PPIL3: variants seen among roughly 807,000 people sequenced by gnomAD.
PPIL3 encodes the protein peptidyl-prolyl cis-trans isomerase-like 3.
In PPIL3, 13 loss-of-function variants were observed where a neutral mutation model predicts 20.9. That is an observed-to-expected ratio of 0.62 (90% CI 0.40 to 0.99). The LOEUF (loss-of-function observed/expected upper bound fraction) is 0.99. PPIL3 is among the 50% of genes least tolerant of loss of function. The pLI is 0.00. For missense variants in PPIL3, 170 were observed against 195.2 expected (o/e 0.87, Z 0.77); for synonymous variants, 71 against 64.4 (o/e 1.10, Z -0.49).
Position 200,876,929 on chromosome 2 carries a change from C to A in PPIL3, c.349G>T (p.Val117Leu), listed in dbSNP as rs61730410. ...KQPHLDMKYT[V>L]FGKVIDGLET... ...AACCAGAATACTCACTTTCCAAATA[C>A]GGTGTATTTCATGTCCAAATGTGGC... is the stretch of plus-strand genomic sequence containing the variant. The change falls in exon 6 of 7, where the codon GTA (valine) becomes TTA (leucine). Residue 117 changes from valine to leucine, a missense_variant. Val to Leu is a conservative substitution (Grantham distance 32). Coordinates refer to ENST00000392283, the MANE Select transcript of PPIL3 (RefSeq NM_130906.3). 1 of 1,601,530 alleles carries A rather than the reference C, an allele frequency of 6.2e-7. No homozygotes were observed. Among genetic ancestry groups the A allele is most frequent in the Admixed American group, 1.7e-5 (1 of 59,976 alleles).
intron 2 of PPIL3, among the ~76,000 whole-genome samples, chr2:200,887,405 A>C (rs2039978743): frequency 6.6e-6 from 1 of 151,678 alleles, no homozygotes; most frequent in Non-Finnish European, 1.5e-5. Flanking sequence ...AAAAAAGGTA[A>C]ATTCTGTGCA....
chr2:200,886,520 C>A (rs1184062668), intron 2 of PPIL3, among the ~76,000 whole-genome samples: 1 of 151,568 alleles, frequency 6.6e-6, no homozygotes, highest in Non-Finnish European at 1.5e-5. Context: ...CCACCTCCTG[C>A]GTTCAAGCAA....
intron 6 of PPIL3, among the ~76,000 whole-genome samples, chr2:200,875,823 C>G (rs1025938919): frequency 6.6e-6 from 1 of 152,146 alleles, no homozygotes; most frequent in African/African-American, 2.4e-5. Flanking sequence ...ATCCTCCTGT[C>G]TCAGCCTCCC....
At chr2:200,877,094 G>A (rs906157461) in intron 5 of PPIL3, 57 bp from the exon 6 acceptor site, 1 of 1,140,966 alleles carries the variant, frequency 8.8e-7, no homozygotes, top group African/African-American at 1.5e-5. Context: ...CCCAAATATA[G>A]TATTGAAACA....
Position 200,871,321 on chromosome 2 carries a change from A to G in PPIL3, c.*74T>C. 2.1e-6 allele frequency: 3 copies of G among 1,441,186 alleles called. No individual in the cohort carries two copies. The highest frequency in any genetic ancestry group is 2.3e-5 in the East Asian group (1 of 42,998). The allele number at this position is 1,441,186 out of a possible 1,614,324, so 89.3% of individuals were successfully genotyped here. On this transcript the variant is annotated 3_prime_UTR_variant, in exon 7 of 7. Transcript: ENST00000392283. ...GCAGAAGGATGATGCAATCTCTGAC[A>G]TAATTAAAACCGGGTAAACCACAAT...
chr2:200,875,574 T>C lies in PPIL3; in HGVS notation c.359+1345A>G, dbSNP rs560818456. ...AGCCACCGCACCCGGCTTTTCTTTT[T>C]TTCTATCTTTTTTTTTTTAGAGATA... On this transcript the variant is annotated intron_variant, in intron 6 of 6. Transcript: ENST00000392283. Among the ~76,000 whole-genome samples, 9 of 151,798 alleles carry C rather than the reference T, an allele frequency of 5.9e-5. No individual in the cohort carries two copies. In the South Asian group the frequency reaches 1.0e-3, roughly 18 times the overall value.
chr2:200,871,592 TAC>T (rs1273771102), intron 6 of PPIL3, 71 bp from the exon 7 acceptor site: 19 of 1,313,412 alleles, frequency 1.4e-5, no homozygotes, highest in Non-Finnish European at 1.9e-5. Context: ...CTATGACAAT[TAC>T]AGTCTCCTTA....
chr2:200,887,534 G>C (rs1375683973), intron 2 of PPIL3, 79 bp downstream of exon 2: 11 of 1,099,614 alleles, frequency 1.0e-5, no homozygotes, highest in Non-Finnish European at 1.4e-5. Flanking sequence ...CAATTTCCAT[G>C]AACTTTTATT....
In PPIL3 at chr2:200,885,508, C is replaced by T. The variant is rs80242117; in HGVS notation, c.78+190G>A. 650 of 534,378 alleles carry T rather than the reference C, an allele frequency of 1.2e-3. 3 individuals carry two copies. Among genetic ancestry groups the T allele is most frequent in the African/African-American group, 0.012 (592 of 50,724 alleles). 33.1% of individuals were successfully genotyped at this position (534,378 alleles called of 1,614,324 possible). A position where few individuals can be genotyped will look rare whatever the true frequency, so the allele number is the denominator to read the frequency against. ...TCTATCGTTACCGAAAAATTATCTA[C>T]GTTCTCTTTGATCCACCTTTGACAT... On this transcript the variant is annotated intron_variant, in intron 3 of 6. Transcript: ENST00000392283.
intron 6 of PPIL3, among the ~76,000 whole-genome samples, chr2:200,875,495 T>C (rs903309303): frequency 1.1e-4 from 16 of 152,078 alleles, no homozygotes; most frequent in African/African-American, 3.6e-4. Flanking sequence ...CTTGATCTCC[T>C]GACCTCATGA....
Position 200,880,409 on chromosome 2 carries a change from C to CTTTTT in PPIL3, c.240+1007_240+1011dup, listed in dbSNP as rs779189285. On this transcript the variant is annotated intron_variant, in intron 5 of 6. Coordinates refer to ENST00000392283, the MANE Select transcript of PPIL3 (RefSeq NM_130906.3). Reference sequence around the variant, plus strand: ...AAACTGCATATTTTGATTGAGTAGACTTTTTTTTTTTTTTGAGTGGGGTCT... The same window carrying CTTTTT: ...AAACTGCATATTTTGATTGAGTAGACTTTTTTTTTTTTTTTTTTTGAGTGGGGTCT... 7.6e-5 allele frequency among the ~76,000 whole-genome samples: 10 copies of CTTTTT among 131,876 alleles called. 1 individual carries two copies. The highest frequency in any genetic ancestry group is 1.5e-4 in the Admixed American group (2 of 13,454). 86.5% of individuals were successfully genotyped at this position (131,876 alleles called of 152,430 possible). A position where few individuals can be genotyped will look rare whatever the true frequency, so the allele number is the denominator to read the frequency against.
At chr2:200,882,944 C>T (rs924721815) in intron 3 of PPIL3, among the ~76,000 whole-genome samples, 2 of 150,892 alleles carry the variant, frequency 1.3e-5, no homozygotes, top group Admixed American at 6.6e-5. Flanking sequence ...TTCAGCAGGG[C>T]CTAACAAGCC....
At chr2:200,874,838 T>A (rs1380953131) in intron 6 of PPIL3, among the ~76,000 whole-genome samples, 2 of 152,148 alleles carry the variant, frequency 1.3e-5, no homozygotes, top group Non-Finnish European at 1.5e-5. Context: ...AGCAATCCTC[T>A]CACTTCAGCC....
chr2:200,885,076 A>C (rs2039879485), intron 3 of PPIL3: 1 of 152,584 alleles, frequency 6.6e-6, no homozygotes, highest in African/African-American at 2.5e-5. Flanking sequence ...GAGAAAAAAA[A>C]AAAAAAAAAA....
rs1267544838 is a variant in PPIL3, at chr2:200,871,413, G to A, written c.468C>T (p.Ala156=). ...DVHIKDITIH[A]NPFAQ is the part of the protein sequence containing the mutation. ...ATCATAGCTACTGAGCAAATGGGTT[G>A]GCATGAATAGTTATGTCCTTAATGT... Residue 156 remains alanine (A), a synonymous_variant, in exon 7 of 7, where the codon GCC becomes GCT. Coordinates refer to ENST00000392283, the MANE Select transcript of PPIL3 (RefSeq NM_130906.3). 8.1e-6 allele frequency: 13 copies of A among 1,611,262 alleles called. No homozygotes were observed. Among genetic ancestry groups the A allele is most frequent in the Non-Finnish European group, 1.1e-5 (13 of 1,178,238 alleles).
intron 3 of PPIL3, chr2:200,885,484 C>A: frequency 2.0e-6 from 1 of 507,068 alleles, no homozygotes; most frequent in Non-Finnish European, 3.4e-6. Flanking sequence ...ACTGGCTACT[C>A]TATCGTTACC....
At chr2:200,876,134 GTTTTTTTTGTT>G (rs1208870203) in intron 6 of PPIL3, among the ~76,000 whole-genome samples, 1 of 144,766 alleles carries the variant, frequency 6.9e-6, no homozygotes, top group African/African-American at 2.6e-5. Context: ...AAAAAAAAGT[GTTTTTTTTGTT>G]TTTTTTTTTT....
At chr2:200,872,288 A>G (rs1253638569) in intron 6 of PPIL3, among the ~76,000 whole-genome samples, 1 of 152,150 alleles carries the variant, frequency 6.6e-6, no homozygotes, top group Non-Finnish European at 1.5e-5. Flanking sequence ...GCATAGGGCA[A>G]AGTCTGAGAG....
chr2:200,881,771 ATCT>A, intron 4 of PPIL3: 1 of 411,888 alleles, frequency 2.4e-6, no homozygotes, highest in Non-Finnish European at 4.4e-6. Flanking sequence ...GGCCACACTA[ATCT>A]TCTCTGTATT....
Sources: allele counts gnomAD v4.1 joint callset (sites outside exome capture counted in the v4.1 genomes callset), GRCh38; gene constraint gnomAD v4.1.1; transcripts MANE v1.5; gene names NCBI Gene and HGNC (gene_info 2026-07-23, HGNC 2026-07-21).